The following NAALADL2 variants were observed in gnomAD, a reference collection of about 807,000 sequenced individuals.
NAALADL2 encodes N-acetylated alpha-linked acidic dipeptidase like 2, also known as inactive N-acetylated-alpha-linked acidic dipeptidase-like protein 2.
In NAALADL2, 76 loss-of-function variants were observed where a neutral mutation model predicts 87.2. The ratio of observed to expected loss-of-function variants is 0.87; its 90% CI spans 0.72 to 1.05. The LOEUF (loss-of-function observed/expected upper bound fraction) is 1.05, where lower values mean the gene tolerates loss of function less well. Ranked by LOEUF, NAALADL2 falls within the 50% of genes least tolerant of loss-of-function variation. The probability of loss-of-function intolerance (pLI) is 0.00; values close to 1 mark genes in which losing one functional copy is unlikely to be tolerated. For missense variants in NAALADL2, 1,089 were observed against 945.8 expected (o/e 1.15, Z -1.99); for synonymous variants, 354 against 331.0 (o/e 1.07, Z -0.75).
chr3:174,874,184 T>A (rs1278602455), intron 1 of NAALADL2, among the ~76,000 whole-genome samples: 1 of 152,142 alleles, frequency 6.6e-6, no homozygotes, highest in Non-Finnish European at 1.5e-5. Context: ...AGTTAAGGCT[T>A]TGTGCCTGTT....
intron 6 of NAALADL2, among the ~76,000 whole-genome samples, chr3:175,447,771 C>G (rs368237132): frequency 2.0e-5 from 3 of 152,272 alleles, no homozygotes; most frequent in East Asian, 3.9e-4. Context: ...AGCATTAAAG[C>G]CTAATTCCTG....
chr3:174,716,116 C>T (rs907669361), intron 2 of NAALADL2, among the ~76,000 whole-genome samples: 1 of 152,086 alleles, frequency 6.6e-6, no homozygotes, highest in African/African-American at 2.4e-5. Context: ...CTTTTTATCT[C>T]ATCATGTAGA....
At chr3:174,507,370 C>T (rs982727759) in intron 1 of NAALADL2, among the ~76,000 whole-genome samples, 1 of 151,968 alleles carries the variant, frequency 6.6e-6, no homozygotes, top group Non-Finnish European at 1.5e-5. Context: ...TTCTTCTTAC[C>T]TTCCTTCCAT....
At chr3:175,601,650 G>A (rs1453438320) in intron 10 of NAALADL2, among the ~76,000 whole-genome samples, 1 of 152,048 alleles carries the variant, frequency 6.6e-6, no homozygotes, top group African/African-American at 2.4e-5. Flanking sequence ...TATTGTTCTA[G>A]GTAAAAATTG....
intron 11 of NAALADL2, among the ~76,000 whole-genome samples, chr3:175,713,245 T>C (rs989933206): frequency 6.6e-6 from 1 of 152,136 alleles, no homozygotes; most frequent in African/African-American, 2.4e-5. Context: ...AGTTCAAGAC[T>C]ACAACAATTT....
chr3:174,812,636 A>T (rs2109301112), intron 3 of NAALADL2, among the ~76,000 whole-genome samples: 1 of 152,236 alleles, frequency 6.6e-6, no homozygotes, highest in South Asian at 2.1e-4. Context: ...TTGTTTTCAT[A>T]GGAGATAACA....
At chr3:175,758,703 AGATT>A (rs1258961950) in intron 13 of NAALADL2, among the ~76,000 whole-genome samples, 1 of 152,152 alleles carries the variant, frequency 6.6e-6, no homozygotes, top group Non-Finnish European at 1.5e-5. Flanking sequence ...AATGAAAAGT[AGATT>A]GATTATTTAT....
chr3:175,118,313 C>T (rs912514090), intron 2 of NAALADL2, among the ~76,000 whole-genome samples: 1 of 151,372 alleles, frequency 6.6e-6, no homozygotes, highest in African/African-American at 2.4e-5. Flanking sequence ...CTCTAAGTCT[C>T]GATAGTAGCA....
At chr3:174,464,716 T>A (rs1716416052) in intron 1 of NAALADL2, among the ~76,000 whole-genome samples, 1 of 152,056 alleles carries the variant, frequency 6.6e-6, no homozygotes, top group South Asian at 2.1e-4. Context: ...TTTAATTGAA[T>A]GTTAGATTAA....
At chr3:174,696,615 A>G (rs1459977676) in intron 2 of NAALADL2, among the ~76,000 whole-genome samples, 1 of 143,586 alleles carries the variant, frequency 7.0e-6, no homozygotes, top group Non-Finnish European at 1.5e-5. Flanking sequence ...AAAAAAAAAA[A>G]AAGCCCTACT....
chr3:175,540,223 G>A (rs1053603083), intron 9 of NAALADL2, among the ~76,000 whole-genome samples: 2 of 152,200 alleles, frequency 1.3e-5, no homozygotes, highest in Non-Finnish European at 2.9e-5. Context: ...TATTAATTAA[G>A]CAGTGTCATC....
intron 2 of NAALADL2, among the ~76,000 whole-genome samples, chr3:174,565,900 G>T (rs1418067230): frequency 1.3e-5 from 2 of 151,912 alleles, no homozygotes; most frequent in East Asian, 1.9e-4. Context: ...ATTTCCTTTT[G>T]TATAGCTGAA....
chr3:175,092,753 A>C (rs952323112), intron 1 of NAALADL2, among the ~76,000 whole-genome samples: 2 of 151,890 alleles, frequency 1.3e-5, no homozygotes, highest in African/African-American at 4.8e-5. Context: ...TATTTTTATA[A>C]TAGAGGGTTA....
chr3:175,136,766 T>C (rs1188198418), intron 2 of NAALADL2, among the ~76,000 whole-genome samples: 9 of 152,190 alleles, frequency 5.9e-5, no homozygotes, highest in African/African-American at 2.2e-4. Context: ...AGCAGATTTC[T>C]ACTTTAAAGA....
Position 174,754,468 on chromosome 3 carries a change from T to C in NAALADL2, c.-9+16722T>C, listed in dbSNP as rs1035469007. Among the ~76,000 whole-genome samples, 4 of 48,440 alleles carry C rather than the reference T, an allele frequency of 8.3e-5. No homozygotes were observed. In the African/African-American group the frequency reaches 9.1e-4, roughly 11 times the overall value. The allele number at this position is 48,440 out of a possible 152,430, so 31.8% of individuals were successfully genotyped here. On this transcript the variant is annotated intron_variant, in intron 3 of 3. Coordinates refer to the NAALADL2 transcript ENST00000434257. ...CGTATGCAAAATTACAGAGCTATCT[T>C]TTTTTTTTTTTTTTTTTTTAAAGAA...
chr3:175,498,284 AG>A (rs1179207759), intron 9 of NAALADL2, among the ~76,000 whole-genome samples: 2 of 152,136 alleles, frequency 1.3e-5, no homozygotes, highest in African/African-American at 4.8e-5. Context: ...GTTAATTAAA[AG>A]GAATAATATC....
Position 175,555,625 on chromosome 3 carries a change from A to C in NAALADL2, c.1654-20416A>C, listed in dbSNP as rs562449304. Among the ~76,000 whole-genome samples, 121 of 152,296 alleles carry C rather than the reference A, an allele frequency of 7.9e-4. 2 individuals carry two copies. The highest frequency in any genetic ancestry group is 1.6e-3 in the Admixed American group (24 of 15,308). ...TTTTCTAAAGCATGTCATACTTAGC[A>C]CATGTATAGTAAATAGCTGTTGATT... On this transcript the variant is annotated intron_variant, in intron 9 of 13. Coordinates refer to ENST00000454872, the MANE Select transcript of NAALADL2 (RefSeq NM_207015.3).
intron 2 of NAALADL2, among the ~76,000 whole-genome samples, chr3:174,675,097 T>C (rs1229303668): frequency 6.6e-6 from 1 of 152,136 alleles, no homozygotes; most frequent in Admixed American, 6.6e-5. Flanking sequence ...TAGAAATATA[T>C]ATTTGCTTTA....
chr3:174,637,795 C>T (rs1054067667), intron 2 of NAALADL2, among the ~76,000 whole-genome samples: 1 of 151,928 alleles, frequency 6.6e-6, no homozygotes, highest in African/African-American at 2.4e-5. Context: ...ACATGTATAT[C>T]TGTATGTACA....
Sources: gnomAD v4.1 joint callset for allele counts (sites outside exome capture counted in the v4.1 genomes callset) on GRCh38, gnomAD v4.1.1 for gene constraint, MANE v1.5 for transcripts, NCBI Gene and HGNC (gene_info 2026-07-23, HGNC 2026-07-21) for gene names.